The following MITF variants were observed in gnomAD, a reference collection of about 807,000 sequenced individuals.
MITF encodes the protein melanocyte inducing transcription factor.
Under a neutral mutation model 60.5 loss-of-function variants are expected in MITF, and 17 were observed. The observed-to-expected ratio is 0.28, with a 90% CI of 0.19 to 0.42. MITF has a LOEUF of 0.42. MITF is among the 10% of genes least tolerant of loss of function. The pLI is 1.00. For missense variants in MITF, 622 were observed against 683.5 expected, an observed-to-expected ratio of 0.91 and a Z score of 1.00; for synonymous variants, 260 against 248.5, an observed-to-expected ratio of 1.05 and a Z score of -0.43.
intron 1 of MITF, among the ~76,000 whole-genome samples, chr3:69,792,258 T>C (rs2106917733): frequency 6.6e-6 from 1 of 152,280 alleles, no homozygotes; most frequent in South Asian, 2.1e-4. Flanking sequence ...ATGTTTGGAG[T>C]TGCTTTCTTC....
At chr3:69,866,361 A>G in intron 1 of MITF, 1 of 1,613,612 alleles carries the variant, frequency 6.2e-7, no homozygotes, top group Non-Finnish European at 8.5e-7. Flanking sequence ...GTGAAGTTTT[A>G]TTCTGGAAAT....
In MITF at chr3:69,881,643, G is replaced by GT. The variant is rs72430802; in HGVS notation, c.354+2270dup. On this transcript the variant is annotated intron_variant, in intron 2 of 9. Coordinates refer to ENST00000352241, the MANE Select transcript of MITF (RefSeq NM_001354604.2). ...TAGAAAGATAAGTGAGAGAAAGGTG[G>GT]TTTTTTTTTTCTTTTTTATAGTTTT... 8.6e-4 allele frequency among the ~76,000 whole-genome samples: 127 copies of GT among 148,338 alleles called. 1 individual carries two copies. Among genetic ancestry groups the GT allele is most frequent in the East Asian group, 4.7e-3 (24 of 5,064 alleles).
At chr3:69,805,163 C>G (rs1426872892) in intron 1 of MITF, among the ~76,000 whole-genome samples, 3 of 152,024 alleles carry the variant, frequency 2.0e-5, no homozygotes, top group African/African-American at 7.3e-5. Flanking sequence ...TCTTAGCTAA[C>G]CAATTTAAGT....
intron 9 of MITF, among the ~76,000 whole-genome samples, chr3:69,962,182 T>C (rs1423129965): frequency 1.3e-5 from 2 of 152,236 alleles, no homozygotes; most frequent in Non-Finnish European, 2.9e-5. Context: ...GGTACTGTTC[T>C]TATTAGCATG....
intron 1 of MITF, 106 bp from the exon 2 acceptor site, chr3:69,879,028 G>C (rs2064418473): frequency 1.2e-6 from 1 of 860,656 alleles, no homozygotes; most frequent in South Asian, 1.4e-5. Context: ...GATTATATTT[G>C]CGCAGACTCA....
At chr3:69,766,385 T>A (rs1215404969) in intron 1 of MITF, among the ~76,000 whole-genome samples, 1 of 87,362 alleles carries the variant, frequency 1.1e-5, no homozygotes, top group Non-Finnish European at 2.6e-5. Context: ...AATTTTTTTT[T>A]TTTTTTTTTT....
At chr3:69,918,468 A>T (rs751377070) in intron 2 of MITF, among the ~76,000 whole-genome samples, 1 of 152,158 alleles carries the variant, frequency 6.6e-6, no homozygotes, top group African/African-American at 2.4e-5. Flanking sequence ...CCTTTTTGTG[A>T]CAACAATTTT....
chr3:69,945,518 T>C (rs1036168065), intron 5 of MITF, among the ~76,000 whole-genome samples: 5 of 152,212 alleles, frequency 3.3e-5, no homozygotes, highest in African/African-American at 1.2e-4. Context: ...AGTTTTCTAA[T>C]GCAGAAGAAC....
chr3:69,854,555 A>C (rs973579428), intron 1 of MITF, among the ~76,000 whole-genome samples: 1 of 151,908 alleles, frequency 6.6e-6, no homozygotes, highest in East Asian at 1.9e-4. Flanking sequence ...TTGCTTTTTA[A>C]TATTATTGAT....
intron 1 of MITF, among the ~76,000 whole-genome samples, chr3:69,815,493 ATATCT>A (rs1158012801): frequency 6.6e-6 from 1 of 152,150 alleles, no homozygotes; most frequent in Non-Finnish European, 1.5e-5. Flanking sequence ...TGATTAGTAA[ATATCT>A]TTTCTTTCTT....
intron 1 of MITF, among the ~76,000 whole-genome samples, chr3:69,775,506 A>C (rs894110227): frequency 2.6e-5 from 4 of 152,214 alleles, no homozygotes; most frequent in Admixed American, 6.5e-5. Context: ...AAAAACCAAA[A>C]CCCAATGATA....
chr3:69,908,810 T>A (rs2065156542), intron 2 of MITF, among the ~76,000 whole-genome samples: 1 of 152,214 alleles, frequency 6.6e-6, no homozygotes, highest in Non-Finnish European at 1.5e-5. Flanking sequence ...CTGAGAATAT[T>A]TGTCCCTACG....
intron 1 of MITF, among the ~76,000 whole-genome samples, chr3:69,763,309 T>A (rs2062238114): frequency 6.6e-6 from 1 of 152,330 alleles, no homozygotes; most frequent in East Asian, 1.9e-4. Context: ...GGATTATTGA[T>A]CTCTAGTCTT....
intron 1 of MITF, among the ~76,000 whole-genome samples, chr3:69,791,408 G>C (rs1014819532): frequency 2.0e-5 from 3 of 152,096 alleles, no homozygotes; most frequent in African/African-American, 7.2e-5. Context: ...ACAAATACAT[G>C]TTCCTGAGTT....
At chr3:69,962,667 G>C (rs2066579670) in intron 9 of MITF, among the ~76,000 whole-genome samples, 1 of 152,188 alleles carries the variant, frequency 6.6e-6, no homozygotes. Flanking sequence ...CATTGGAATG[G>C]AGAAGCAGAA....
rs77838341 is a variant in MITF, at chr3:69,809,009, A to G, written c.104+69308A>G. Among the ~76,000 whole-genome samples the G allele has an allele frequency of 2.6e-5, 4 of 152,238 alleles. No homozygotes were observed. In the East Asian group the frequency reaches 7.7e-4, roughly 29 times the overall value. On this transcript the variant is annotated intron_variant, in intron 1 of 9. Transcript: ENST00000352241. The stretch of plus-strand genomic sequence containing the variant: ...TGGGAGACTATGATGACTTTAGAGT[A>G]GTAACAGTGGGGTGGAGCATATGGA...
Position 69,742,905 on chromosome 3 carries a change from AT to A in MITF, c.104+3211del, listed in dbSNP as rs1415471656. Among the ~76,000 whole-genome samples the A allele has an allele frequency of 4.0e-5, 6 of 151,626 alleles. No individual in the cohort carries two copies. The East Asian group carries it at 9.7e-4, about 24-fold the overall frequency. ...CTCTGTCTTCTTTGTCCAGCTATAT[AT>A]TTTTTTCCCATAGGGCTTATATTAT... On this transcript the variant is annotated intron_variant, in intron 1 of 9. Coordinates refer to ENST00000352241, the MANE Select transcript of MITF (RefSeq NM_001354604.2).
At position 69,798,089 on chromosome 3, in the gene MITF, T is replaced by G. The variant is rs113751714; in HGVS notation, c.104+58388T>G. ...CTGAGCTGGGATATGTGTACCCACC[T>G]TAGGCCTGTAACTGATCTGGTTCTG... On this transcript the variant is annotated intron_variant, in intron 1 of 9. Coordinates refer to ENST00000352241, the MANE Select transcript of MITF (RefSeq NM_001354604.2). Among the ~76,000 whole-genome samples the G allele has an allele frequency of 4.3e-3, 662 of 152,326 alleles. 6 individuals are homozygous for G. Among genetic ancestry groups the G allele is most frequent in the African/African-American group, 0.015 (614 of 41,582 alleles).
At chr3:69,773,116 A>T (rs1280464170) in intron 1 of MITF, among the ~76,000 whole-genome samples, 1 of 152,186 alleles carries the variant, frequency 6.6e-6, no homozygotes, top group East Asian at 1.9e-4. Flanking sequence ...AAGATGAGGG[A>T]GTCATGCCAG....
Sources: allele counts gnomAD v4.1 joint callset (sites outside exome capture counted in the v4.1 genomes callset), GRCh38; gene constraint gnomAD v4.1.1; transcripts MANE v1.5; gene names NCBI Gene and HGNC (gene_info 2026-07-23, HGNC 2026-07-21).